GRIK2: variants seen among roughly 807,000 people sequenced by gnomAD.
GRIK2 encodes the protein glutamate ionotropic receptor kainate type subunit 2, also known as glutamate receptor ionotropic, kainate 2.
In GRIK2, 32 loss-of-function variants were observed where a neutral mutation model predicts 100.3. That is an observed-to-expected ratio of 0.32 (90% CI 0.24 to 0.43). The LOEUF is 0.43. Ranked by LOEUF, GRIK2 falls within the 20% of genes least tolerant of loss-of-function variation. GRIK2 has a pLI of 1.00. For missense variants in GRIK2, 843 were observed against 1,114.9 expected (o/e 0.76, Z 3.47); for synonymous variants, 417 against 389.4 (o/e 1.07, Z -0.83).
At chr6:102,061,604 A>C (rs1771756000) in intron 16 of GRIK2, among the ~76,000 whole-genome samples, 1 of 150,628 alleles carries the variant, frequency 6.6e-6, no homozygotes, top group Non-Finnish European at 1.5e-5. Flanking sequence ...TATGGAATTA[A>C]AAAGACTTGG....
chr6:101,927,919 T>C (rs962033480), intron 13 of GRIK2: 1 of 156,632 alleles, frequency 6.4e-6, no homozygotes, highest in African/African-American at 2.4e-5. Flanking sequence ...ATTTTATTAT[T>C]ATACGTAACT....
At chr6:101,954,609 A>G (rs576922034) in intron 14 of GRIK2, among the ~76,000 whole-genome samples, 242 of 152,274 alleles carry the variant, frequency 1.6e-3, no homozygotes, top group African/African-American at 5.0e-3. Context: ...GTGTTAGTAG[A>G]TATATCTGGA....
At chr6:101,553,509 G>A (rs1364417441) in intron 2 of GRIK2, among the ~76,000 whole-genome samples, 1 of 152,088 alleles carries the variant, frequency 6.6e-6, no homozygotes, top group Non-Finnish European at 1.5e-5. Context: ...TGATTGAATA[G>A]TTCTTTATAT....
chr6:101,865,346 T>C (rs1252376660), intron 11 of GRIK2, among the ~76,000 whole-genome samples: 6 of 152,228 alleles, frequency 3.9e-5, no homozygotes, highest in Admixed American at 2.6e-4. Flanking sequence ...AAATGAGCCT[T>C]GGAGGACCTC....
At chr6:101,690,426 A>G (rs1459302698) in intron 7 of GRIK2, among the ~76,000 whole-genome samples, 1 of 152,126 alleles carries the variant, frequency 6.6e-6, no homozygotes, top group Non-Finnish European at 1.5e-5. Flanking sequence ...TGTCAATTTT[A>G]CTGTATCAAT....
At chr6:101,513,706 C>A (rs572692643) in intron 2 of GRIK2, among the ~76,000 whole-genome samples, 6 of 152,128 alleles carry the variant, frequency 3.9e-5, no homozygotes, top group Non-Finnish European at 7.4e-5. Flanking sequence ...TCCCCAGACA[C>A]CTTAGATAGG....
At chr6:101,895,640 C>T (rs6908355) in intron 12 of GRIK2, among the ~76,000 whole-genome samples, 5,318 of 151,746 alleles carry the variant, frequency 0.035, 323 homozygotes, top group African/African-American at 0.12. Flanking sequence ...GCTGTCAAAA[C>T]GACTGTTGTC....
At chr6:101,601,916 G>A (rs1779232560) in intron 2 of GRIK2, among the ~76,000 whole-genome samples, 1 of 151,480 alleles carries the variant, frequency 6.6e-6, no homozygotes, top group African/African-American at 2.4e-5. Context: ...TATGGGCTTT[G>A]GGTCTTAATT....
chr6:101,884,998 C>T (rs6921394), intron 11 of GRIK2, among the ~76,000 whole-genome samples: 9,959 of 152,116 alleles, frequency 0.065, 800 homozygotes, highest in African/African-American at 0.2. Flanking sequence ...GGGAGGGAAA[C>T]TTTACCATTC....
chr6:101,926,030 A>T (rs1789866321), intron 13 of GRIK2, among the ~76,000 whole-genome samples: 1 of 151,078 alleles, frequency 6.6e-6, no homozygotes, highest in African/African-American at 2.4e-5. Context: ...TGTAAACTAT[A>T]TTTTTATATA....
At chr6:101,714,157 C>CAG (rs1773905157) in intron 7 of GRIK2, among the ~76,000 whole-genome samples, 1 of 151,590 alleles carries the variant, frequency 6.6e-6, no homozygotes, top group South Asian at 2.1e-4. Flanking sequence ...AGTGCTTCTC[C>CAG]AGAGCTGATC....
chr6:101,535,324 A>G (rs1229226033), intron 2 of GRIK2, among the ~76,000 whole-genome samples: 5 of 151,898 alleles, frequency 3.3e-5, no homozygotes, highest in Middle Eastern at 3.4e-3. Context: ...TATGGTAGCA[A>G]TATCGTACTT....
At position 101,814,295 on chromosome 6, in the gene GRIK2, T is replaced by TA. The variant is rs559169961; in HGVS notation, c.1204-4068dup. Among the ~76,000 whole-genome samples, 188 of 151,972 alleles carry TA rather than the reference T, an allele frequency of 1.2e-3. 1 individual carries two copies. Among genetic ancestry groups the TA allele is most frequent in the African/African-American group, 4.2e-3 (174 of 41,460 alleles). On this transcript the variant is annotated intron_variant, in intron 9 of 16. Coordinates refer to ENST00000369134, the MANE Select transcript of GRIK2 (RefSeq NM_021956.5). Reference sequence around the variant, plus strand: ...AAAAAATCTACTAAGGCACTAATTATAAAAAAATCCAACAAAATGAGAAAT... The same window carrying TA: ...AAAAAATCTACTAAGGCACTAATTATAAAAAAAATCCAACAAAATGAGAAAT...
intron 12 of GRIK2, among the ~76,000 whole-genome samples, chr6:101,923,484 A>C (rs1789685736): frequency 6.6e-6 from 1 of 152,228 alleles, no homozygotes; most frequent in African/African-American, 2.4e-5. Context: ...AGAGATGTTA[A>C]GATTTCTAAA....
chr6:101,609,090 A>G (rs1002929632), intron 2 of GRIK2, among the ~76,000 whole-genome samples: 1 of 151,788 alleles, frequency 6.6e-6, no homozygotes, highest in African/African-American at 2.4e-5. Flanking sequence ...ATTAGTTTGC[A>G]TGCAAACTCA....
chr6:101,955,601 TCTC>T (rs1176749341), intron 14 of GRIK2, among the ~76,000 whole-genome samples: 3 of 104,636 alleles, frequency 2.9e-5, no homozygotes, highest in African/African-American at 9.0e-5. Context: ...TCTCTCTCTC[TCTC>T]TCTCTCTCTC....
chr6:101,552,001 G>C lies in GRIK2; in HGVS notation c.116-69948G>C, dbSNP rs146201974. ...AGTAAGTTAATAAATGAAAAATATT[G>C]GATGAACCTGAATTTGGTCTGTCTT... On this transcript the variant is annotated intron_variant, in intron 2 of 16. Coordinates refer to ENST00000369134, the MANE Select transcript of GRIK2 (RefSeq NM_021956.5). Among the ~76,000 whole-genome samples the C allele has an allele frequency of 1.3e-3, 196 of 152,258 alleles. 2 individuals are homozygous for C. Among genetic ancestry groups the C allele is most frequent in the African/African-American group, 4.3e-3 (180 of 41,562 alleles).
At chr6:101,528,728 T>C (rs1471992088) in intron 2 of GRIK2, among the ~76,000 whole-genome samples, 1 of 152,150 alleles carries the variant, frequency 6.6e-6, no homozygotes, top group African/African-American at 2.4e-5. Flanking sequence ...TTTAGTTAAA[T>C]GGTTGACTTG....
At chr6:101,567,507 C>T (rs1484112271) in intron 2 of GRIK2, among the ~76,000 whole-genome samples, 2 of 151,766 alleles carry the variant, frequency 1.3e-5, no homozygotes, top group Admixed American at 6.6e-5. Context: ...CCTGTTTTTC[C>T]TCTATAGCAC....
Sources: allele counts gnomAD v4.1 joint callset (sites outside exome capture counted in the v4.1 genomes callset), GRCh38; gene constraint gnomAD v4.1.1; transcripts MANE v1.5; gene names NCBI Gene and HGNC (gene_info 2026-07-23, HGNC 2026-07-21).